The following STX18 variants were observed in gnomAD, a reference collection of about 807,000 sequenced individuals.
STX18 encodes syntaxin 18.
Under a neutral mutation model 50.1 loss-of-function variants are expected in STX18, and 40 were observed. That is an observed-to-expected ratio of 0.80 (90% CI 0.62 to 1.04). STX18 has a LOEUF of 1.04. Among genes scored for constraint, STX18 ranks in the 50% least tolerant of loss-of-function variants. The pLI, the probability that STX18 is intolerant of heterozygous loss-of-function variation, is 0.00. For synonymous variants in STX18, 158 were observed against 151.8 expected (o/e 1.04, Z -0.30); for missense variants, 410 against 415.8 (o/e 0.99, Z 0.12).
At chr4:4,500,973 G>A (rs1480056178) in intron 1 of STX18, among the ~76,000 whole-genome samples, 2 of 152,098 alleles carry the variant, frequency 1.3e-5, no homozygotes, top group Non-Finnish European at 2.9e-5. Flanking sequence ...GGAGAAGGAG[G>A]TAGCAGTGAG....
intron 2 of STX18, among the ~76,000 whole-genome samples, chr4:4,464,223 T>C (rs1379504565): frequency 6.6e-6 from 1 of 152,162 alleles, no homozygotes; most frequent in African/African-American, 2.4e-5. Flanking sequence ...TAAAATGCCA[T>C]CCTAAAGCCA....
intron 1 of STX18, among the ~76,000 whole-genome samples, chr4:4,527,359 T>G (rs1018945695): frequency 1.3e-5 from 2 of 152,210 alleles, no homozygotes; most frequent in South Asian, 4.1e-4. Context: ...TTAATAGCAA[T>G]AACATTTTTT....
intron 1 of STX18, among the ~76,000 whole-genome samples, chr4:4,517,830 G>A (rs895483118): frequency 2.7e-4 from 40 of 149,898 alleles, no homozygotes; most frequent in African/African-American, 9.8e-4. Flanking sequence ...AGGCTGGAGT[G>A]TAGGTGTGGT....
chr4:4,523,788 TACA>T (rs1467663205), intron 1 of STX18, among the ~76,000 whole-genome samples: 3 of 152,190 alleles, frequency 2.0e-5, no homozygotes, highest in Non-Finnish European at 4.4e-5. Flanking sequence ...CTTTCTCAAA[TACA>T]TACCTAACCA....
intron 1 of STX18, among the ~76,000 whole-genome samples, chr4:4,508,111 G>A (rs986345836): frequency 6.6e-6 from 1 of 152,220 alleles, no homozygotes; most frequent in African/African-American, 2.4e-5. Flanking sequence ...AATGGATCAT[G>A]GCTGACACTC....
At chr4:4,448,653 CT>C (rs1392989937) in intron 5 of STX18, among the ~76,000 whole-genome samples, 1 of 152,232 alleles carries the variant, frequency 6.6e-6, no homozygotes, top group East Asian at 1.9e-4. Context: ...ATTTTATCCT[CT>C]TTGTCTAAGT....
intron 3 of STX18, among the ~76,000 whole-genome samples, chr4:4,457,841 C>A (rs963257888): frequency 6.6e-6 from 1 of 152,222 alleles, no homozygotes. Context: ...GTTTAAACAA[C>A]TGAAATCACA....
chr4:4,541,676 TC>T (rs909840919), intron 1 of STX18, 120 bp downstream of exon 1: 2 of 1,133,922 alleles, frequency 1.8e-6, no homozygotes, highest in African/African-American at 3.3e-5. Context: ...AACTCTTCTG[TC>T]CCCCTTAGAG....
At chr4:4,531,152 T>TACACACACAC (rs142048912) in intron 1 of STX18, among the ~76,000 whole-genome samples, 6,479 of 149,634 alleles carry the variant, frequency 0.043, 152 homozygotes, top group Admixed American at 0.055. Flanking sequence ...GGATAAAATT[T>TACACACACAC]ACACACACAC....
At chr4:4,466,370 AGGAT>A (rs907263327) in intron 2 of STX18, among the ~76,000 whole-genome samples, 3 of 152,196 alleles carry the variant, frequency 2.0e-5, no homozygotes, top group African/African-American at 7.2e-5. Flanking sequence ...GGAAAGGGGT[AGGAT>A]GGAAAAGTGG....
intron 1 of STX18, among the ~76,000 whole-genome samples, chr4:4,527,867 C>CATATATATATATATATAT (rs1553851958): frequency 1.5e-4 from 21 of 137,208 alleles, no homozygotes; most frequent in African/African-American, 5.0e-4. Flanking sequence ...CACACACACA[C>CATATATATATATATATAT]ATATATATAT....
chr4:4,513,187 T>C (rs983448980), intron 1 of STX18, among the ~76,000 whole-genome samples: 54 of 152,264 alleles, frequency 3.5e-4, no homozygotes, highest in African/African-American at 1.2e-3. Flanking sequence ...GAAATTCGGT[T>C]CTATGTTAAG....
chr4:4,434,651 T>C (rs914224849), intron 7 of STX18, 119 bp downstream of exon 7: 5 of 753,502 alleles, frequency 6.6e-6, no homozygotes, highest in Admixed American at 3.6e-5. Flanking sequence ...TACACATTTA[T>C]AATTTTTAAA....
At chr4:4,472,610 G>T (rs1727978215) in intron 1 of STX18, among the ~76,000 whole-genome samples, 1 of 152,172 alleles carries the variant, frequency 6.6e-6, no homozygotes, top group South Asian at 2.1e-4. Flanking sequence ...GATCTTAAAA[G>T]GACTTCTGCA....
At chr4:4,496,679 A>G (rs758547629) in intron 1 of STX18, among the ~76,000 whole-genome samples, 18 of 152,108 alleles carry the variant, frequency 1.2e-4, no homozygotes, top group Non-Finnish European at 2.4e-4. Flanking sequence ...GTGCTGCCCA[A>G]TCCAACTGTG....
intron 1 of STX18, among the ~76,000 whole-genome samples, chr4:4,475,927 T>C (rs987141460): frequency 6.6e-6 from 1 of 152,228 alleles, no homozygotes; most frequent in Non-Finnish European, 1.5e-5. Flanking sequence ...GGCCTATGTT[T>C]TGGACTTTAA....
Position 4,471,662 on chromosome 4 carries a change from C to T in STX18, c.213G>A (p.Arg71=), listed in dbSNP as rs1407818523. The T allele has an allele frequency of 6.3e-7, 1 of 1,581,706 alleles. No individual in the cohort carries two copies. The highest frequency in any genetic ancestry group is 8.5e-7 in the Non-Finnish European group (1 of 1,171,496). The change falls in exon 2 of 11, where the codon AGG becomes AGA. Residue 71 remains arginine, a synonymous_variant. Coordinates refer to ENST00000306200, the MANE Select transcript of STX18 (RefSeq NM_016930.4). The part of the protein sequence containing the change: ...GKLRDFLLEH[R]KDYINAYSHT... Reference sequence around the variant, plus strand: ...ACCTATAAGCATTAATATAATCTTTCCTGTGTTCCAGAAGAAAATCTCTCA... The same window carrying T: ...ACCTATAAGCATTAATATAATCTTTTCTGTGTTCCAGAAGAAAATCTCTCA...
intron 2 of STX18, among the ~76,000 whole-genome samples, chr4:4,461,056 G>C (rs957296297): frequency 6.6e-6 from 1 of 152,230 alleles, no homozygotes; most frequent in Non-Finnish European, 1.5e-5. Flanking sequence ...AACAGACCTA[G>C]AAATGACTAG....
chr4:4,438,944 C>A (rs1337934127), intron 5 of STX18, among the ~76,000 whole-genome samples: 2 of 142,820 alleles, frequency 1.4e-5, no homozygotes, highest in Admixed American at 7.1e-5. Flanking sequence ...TATATATATA[C>A]CCCCACACAC....
Sources: gnomAD v4.1 joint callset for allele counts (sites outside exome capture counted in the v4.1 genomes callset) on GRCh38, gnomAD v4.1.1 for gene constraint, MANE v1.5 for transcripts, NCBI Gene and HGNC (gene_info 2026-07-23, HGNC 2026-07-21) for gene names.